The following C12orf42 variants were observed in gnomAD, a reference collection of about 807,000 sequenced individuals.
C12orf42 encodes the protein uncharacterized protein C12orf42.
Under a neutral mutation model 21.6 loss-of-function variants are expected in C12orf42, and 25 were observed. The ratio of observed to expected loss-of-function variants is 1.16; its 90% CI spans 0.84 to 1.62. The LOEUF (loss-of-function observed/expected upper bound fraction) is 1.62. C12orf42 is among the 40% of genes most tolerant of loss of function. C12orf42 has a pLI of 0.00. For synonymous variants in C12orf42, 174 were observed against 175.0 expected, an observed-to-expected ratio of 0.99 and a Z score of 0.05; for missense variants, 483 against 459.3, an observed-to-expected ratio of 1.05 and a Z score of -0.47.
At chr12:103,499,715 AT>A (rs377664858), upstream of C12orf42, among the ~76,000 whole-genome samples, 35 of 152,350 alleles carry the variant, frequency 2.3e-4, no homozygotes, top group East Asian at 5.2e-3. Context: ...AAGCAGGGAT[AT>A]GCCCCCTGCC....
the C12orf42 span, among the ~76,000 whole-genome samples, chr12:103,189,017 T>C: frequency 6.6e-6 from 1 of 152,146 alleles, no homozygotes; most frequent in Non-Finnish European, 1.5e-5. Flanking sequence ...GAATTCCTTC[T>C]GGATTTTCCT....
chr12:103,484,160 C>G (rs542400477), intron 1 of C12orf42, among the ~76,000 whole-genome samples: 1 of 152,166 alleles, frequency 6.6e-6, no homozygotes, highest in Admixed American at 6.5e-5. Context: ...GATTTATAAT[C>G]GTTTGTGTAT....
At chr12:103,171,848 A>C in the C12orf42 span, among the ~76,000 whole-genome samples, 4 of 152,100 alleles carry the variant, frequency 2.6e-5, no homozygotes, top group East Asian at 5.8e-4. Flanking sequence ...ACTGAAGGTG[A>C]GTTAATTAGT....
chr12:103,336,404 G>T (rs10860987), intron 4 of C12orf42, among the ~76,000 whole-genome samples: 21,544 of 152,210 alleles, frequency 0.14, 2,047 homozygotes, highest in African/African-American at 0.28. Context: ...TACATCCTGA[G>T]ATTCACTCCA....
chr12:103,424,948 C>T lies in C12orf42; in HGVS notation c.79-23273G>A, dbSNP rs181503543. ...CTAAGATCCACTGGTTTGAAATTCT[C>T]ACTGCCAGCACAGCAGTCTGAAGTT... On this transcript the variant is annotated intron_variant, in intron 2 of 5. Transcript: ENST00000548883. Among the ~76,000 whole-genome samples the T allele has an allele frequency of 1.7e-3, 258 of 152,308 alleles. 1 individual carries two copies. Among genetic ancestry groups the T allele is most frequent in the African/African-American group, 5.9e-3 (245 of 41,566 alleles).
chr12:103,179,603 C>G, the C12orf42 span, among the ~76,000 whole-genome samples: 1 of 152,086 alleles, frequency 6.6e-6, no homozygotes. Flanking sequence ...ATGGAGAGTC[C>G]AGCCACCATT....
the C12orf42 span, among the ~76,000 whole-genome samples, chr12:103,227,767 G>T: frequency 1.7e-4 from 26 of 152,308 alleles, no homozygotes; most frequent in Middle Eastern, 3.4e-3. Flanking sequence ...AACACCAAGG[G>T]AAGCCTGCCT....
the C12orf42 span, among the ~76,000 whole-genome samples, chr12:103,166,258 G>T: frequency 9.9e-5 from 15 of 152,230 alleles, no homozygotes; most frequent in African/African-American, 3.6e-4. Context: ...ATAGGATTAG[G>T]TTTATAGGGT....
At chr12:103,115,641 A>C in the C12orf42 span, among the ~76,000 whole-genome samples, 1 of 152,218 alleles carries the variant, frequency 6.6e-6, no homozygotes, top group Non-Finnish European at 1.5e-5. Context: ...AGTACATGTA[A>C]AGGATTTAGT....
intron 2 of C12orf42, among the ~76,000 whole-genome samples, chr12:103,406,242 G>A (rs989803769): frequency 7.9e-5 from 12 of 152,216 alleles, no homozygotes; most frequent in African/African-American, 2.4e-4. Context: ...GAGGTCTAGA[G>A]GAGGGCCTGA....
chr12:103,069,722 G>T, the C12orf42 span, among the ~76,000 whole-genome samples: 3 of 152,108 alleles, frequency 2.0e-5, no homozygotes, highest in African/African-American at 7.2e-5. Flanking sequence ...AACTAGCTAG[G>T]TCTCTTTCTC....
chr12:103,437,552 A>G (rs944747663), intron 2 of C12orf42, among the ~76,000 whole-genome samples: 76 of 152,302 alleles, frequency 5.0e-4, no homozygotes, highest in African/African-American at 1.5e-3. Flanking sequence ...AATAGACACA[A>G]TAAAAAATGA....
chr12:103,061,092 G>T, the C12orf42 span, among the ~76,000 whole-genome samples: 1 of 152,150 alleles, frequency 6.6e-6, no homozygotes, highest in African/African-American at 2.4e-5. Context: ...GGATGCTTCT[G>T]GTTCCTCTCA....
chr12:103,401,117 G>C (rs532323970), intron 3 of C12orf42, among the ~76,000 whole-genome samples: 26 of 152,144 alleles, frequency 1.7e-4, no homozygotes, highest in African/African-American at 6.3e-4. Flanking sequence ...TATGCACATC[G>C]TAGGGACAAA....
the C12orf42 span, among the ~76,000 whole-genome samples, chr12:103,519,483 T>C: frequency 6.6e-6 from 1 of 152,168 alleles, no homozygotes; most frequent in Non-Finnish European, 1.5e-5. Flanking sequence ...AGAAATTATA[T>C]AATATTGGAC....
chr12:103,244,306 T>A (rs1434212865), intron 10 of C12orf42, among the ~76,000 whole-genome samples: 1 of 152,082 alleles, frequency 6.6e-6, no homozygotes, highest in African/African-American at 2.4e-5. Flanking sequence ...AAGGGTTAAC[T>A]GCTCCAAACA....
intron 4 of C12orf42, among the ~76,000 whole-genome samples, chr12:103,346,305 C>T (rs1158141068): frequency 6.6e-6 from 1 of 152,188 alleles, no homozygotes; most frequent in African/African-American, 2.4e-5. Context: ...CCATACAGCA[C>T]ATAACTGTGG....
At chr12:103,084,454 A>G in the C12orf42 span, among the ~76,000 whole-genome samples, 2 of 152,196 alleles carry the variant, frequency 1.3e-5, no homozygotes, top group East Asian at 3.8e-4. Flanking sequence ...TTTGTTAGAT[A>G]GGTATACACA....
intron 2 of C12orf42, among the ~76,000 whole-genome samples, chr12:103,473,505 G>C (rs889385923): frequency 2.0e-5 from 3 of 152,194 alleles, no homozygotes; most frequent in Admixed American, 2.0e-4. Flanking sequence ...TATTCATGGA[G>C]TGCCAGTCTC....
Sources: gnomAD v4.1 joint callset for allele counts (sites outside exome capture counted in the v4.1 genomes callset) on GRCh38, gnomAD v4.1.1 for gene constraint, MANE v1.5 for transcripts, NCBI Gene and HGNC (gene_info 2026-07-23, HGNC 2026-07-21) for gene names.